Variants in KIF27 observed in about 807,000 individuals in gnomAD.
The protein encoded by KIF27 is kinesin-like protein KIF27.
In KIF27, 84 loss-of-function variants were observed where a neutral mutation model predicts 141.8. That is an observed-to-expected ratio of 0.59 (90% confidence interval 0.50 to 0.71). KIF27 has a LOEUF of 0.71. Ranked by LOEUF, KIF27 falls within the 30% of genes least tolerant of loss-of-function variation. The pLI is 0.00. For synonymous variants in KIF27, 471 were observed against 569.5 expected (o/e 0.83, Z 2.46); for missense variants, 1,306 against 1,628.4 (o/e 0.80, Z 3.41).
At chr9:83,880,021 GTTTT>G in intron 11 of KIF27, 1 of 518,652 alleles carries the variant, frequency 1.9e-6, no homozygotes, top group Middle Eastern at 5.0e-4. Context: ...ATAAATGTAT[GTTTT>G]TGACAGCTTC....
rs1447777511 is a variant in KIF27, at chr9:83,868,565, CG to C, written c.2758-706del. ...AGTACTCTCTTGAATTAAGGATATG[CG>C]GAAACAAATACAAACATAAATATAG... On this transcript the variant is annotated intron_variant, in intron 12 of 17. Coordinates refer to ENST00000297814, the MANE Select transcript of KIF27 (RefSeq NM_017576.4). 9 of 152,026 alleles carry C rather than the reference CG, an allele frequency of 5.9e-5. No homozygotes were observed. In the South Asian group the frequency reaches 1.5e-3, roughly 25 times the overall value. The allele number at this position is 152,026 out of a possible 1,614,324, so 9.4% of individuals were successfully genotyped here. A position where few individuals can be genotyped will look rare whatever the true frequency, so the allele number is the denominator to read the frequency against.
chr9:83,854,625 T>A (rs549262739), intron 14 of KIF27, among the ~76,000 whole-genome samples: 16 of 152,234 alleles, frequency 1.1e-4, no homozygotes, highest in African/African-American at 3.9e-4. Flanking sequence ...AACTCAAAAG[T>A]CTTGGGCCCA....
intron 2 of KIF27, among the ~76,000 whole-genome samples, chr9:83,911,595 G>A (rs1348009837): frequency 6.6e-6 from 1 of 152,112 alleles, no homozygotes; most frequent in African/African-American, 2.4e-5. Flanking sequence ...CCACACTGGA[G>A]TGCAGTGGCA....
rs1259625454 is a variant in KIF27, at chr9:83,921,378, G to A, written c.-95C>T. 1 of 152,054 alleles carries A rather than the reference G, an allele frequency of 6.6e-6. No individual in the cohort carries two copies. Among genetic ancestry groups the A allele is most frequent in the Non-Finnish European group, 1.5e-5 (1 of 68,062 alleles). The allele number at this position is 152,054 out of a possible 1,614,324, so 9.4% of individuals were successfully genotyped here. ...GGCCCGCCGAGCACTGACCGGCTCG[G>A]GACAGCCCAGGCCCCTGTCGGCGAG... On this transcript the variant is annotated 5_prime_UTR_variant, in exon 1 of 18. Coordinates refer to ENST00000297814, the MANE Select transcript of KIF27 (RefSeq NM_017576.4).
chr9:83,875,719 G>A (rs567030683), intron 11 of KIF27, among the ~76,000 whole-genome samples: 1 of 152,266 alleles, frequency 6.6e-6, no homozygotes, highest in East Asian at 1.9e-4. Context: ...ACTTCAAGAC[G>A]GAGGGAGTGC....
intron 14 of KIF27, chr9:83,858,197 T>G (rs562458211): frequency 3.0e-4 from 45 of 152,278 alleles, no homozygotes; most frequent in African/African-American, 1.0e-3. Flanking sequence ...TCTATAATGT[T>G]CCTTTCAACT....
intron 17 of KIF27, among the ~76,000 whole-genome samples, chr9:83,840,468 G>GC (rs1946432195): frequency 1.3e-5 from 2 of 152,030 alleles, no homozygotes; most frequent in Admixed American, 6.6e-5. Flanking sequence ...TGGTTAAAGA[G>GC]CAGGATGAAG....
At chr9:83,870,386 T>A in intron 12 of KIF27, 133 bp downstream of exon 12, 2 of 1,293,470 alleles carry the variant, frequency 1.5e-6, no homozygotes, top group South Asian at 1.5e-5. Flanking sequence ...AGGCTGGTCT[T>A]GAACTCCTGA....
At chr9:83,857,830 T>C (rs1252223617) in intron 14 of KIF27, among the ~76,000 whole-genome samples, 2 of 152,196 alleles carry the variant, frequency 1.3e-5, no homozygotes, top group African/African-American at 4.8e-5. Flanking sequence ...TTTGAATAAA[T>C]AATGTAAGAG....
intron 13 of KIF27, among the ~76,000 whole-genome samples, chr9:83,860,417 G>C (rs1442108730): frequency 6.6e-6 from 1 of 152,092 alleles, no homozygotes; most frequent in East Asian, 1.9e-4. Context: ...TAAGGATTTA[G>C]CACTCTTGTA....
At chr9:83,899,982 C>T (rs1953697747) in intron 4 of KIF27, among the ~76,000 whole-genome samples, 178 bp from the exon 5 acceptor site, 1 of 152,142 alleles carries the variant, frequency 6.6e-6, no homozygotes, top group Non-Finnish European at 1.5e-5. Context: ...GAGAACCTAC[C>T]ATTGCTATAA....
chr9:83,917,666 G>C (rs1338109678), intron 1 of KIF27, among the ~76,000 whole-genome samples: 1 of 152,192 alleles, frequency 6.6e-6, no homozygotes, highest in East Asian at 1.9e-4. Context: ...TCATGGGCAA[G>C]TGATTTTCAA....
chr9:83,902,102 C>T (rs931143430), intron 4 of KIF27, among the ~76,000 whole-genome samples: 10 of 152,050 alleles, frequency 6.6e-5, no homozygotes, highest in South Asian at 4.1e-4. Context: ...AGAACTTGAG[C>T]ACTGCTGTAA....
intron 6 of KIF27, among the ~76,000 whole-genome samples, chr9:83,889,688 A>C (rs1477336176): frequency 3.3e-5 from 5 of 151,722 alleles, no homozygotes; most frequent in Admixed American, 6.6e-5. Flanking sequence ...CTACCACAGG[A>C]AGAAACCCAG....
intron 11 of KIF27, among the ~76,000 whole-genome samples, chr9:83,875,336 T>C (rs1243385991): frequency 6.6e-6 from 1 of 152,180 alleles, no homozygotes; most frequent in African/African-American, 2.4e-5. Context: ...CCAACTGATA[T>C]ATCATGTAAG....
chr9:83,903,331 G>C lies in KIF27; in HGVS notation c.1187C>G (p.Ser396Cys). ...AAGCTGAGCTACTTGCTCCTCAAGA[G>C]AATGAATCCTATTTGTATCAGGACT... is the stretch of plus-strand genomic sequence containing the variant. The part of the protein sequence containing the change: ...EGSPDTNRIH[S>C]LEEQVAQLQG... Residue 396 changes from serine (S) to cysteine (C), a missense_variant, in exon 4 of 18, where the codon TCT (serine) becomes TGT (cysteine). This residue lies in a region of KIF27 where 533 missense variants were observed against 565.6 expected (regional missense o/e 0.94). Coordinates refer to ENST00000297814, the MANE Select transcript of KIF27 (RefSeq NM_017576.4). The C allele has an allele frequency of 1.2e-6, 2 of 1,614,202 alleles. No individual in the cohort carries two copies. Among genetic ancestry groups the C allele is most frequent in the Non-Finnish European group, 1.7e-6 (2 of 1,180,026 alleles).
At chr9:83,906,744 C>CAAA (rs565683124) in intron 3 of KIF27, among the ~76,000 whole-genome samples, 26 of 49,936 alleles carry the variant, frequency 5.2e-4, no homozygotes, top group Admixed American at 8.7e-4. Flanking sequence ...ACCCTGTCTC[C>CAAA]AAAAAAAAAA....
At chr9:83,885,452 T>A (rs187742629) in intron 9 of KIF27, among the ~76,000 whole-genome samples, 65 of 152,344 alleles carry the variant, frequency 4.3e-4, no homozygotes, top group African/African-American at 1.5e-3. Flanking sequence ...CATTTTTTTA[T>A]AAAAGTTATT....
In KIF27 at chr9:83,859,199, T is replaced by C. The variant is rs1178877821; in HGVS notation, c.3107A>G (p.Asn1036Ser). The C allele has an allele frequency of 5.6e-6, 9 of 1,612,474 alleles. No homozygotes were observed. Among genetic ancestry groups the C allele is most frequent in the East Asian group, 2.2e-5 (1 of 44,872 alleles). The change falls in exon 14 of 18, where the codon AAT becomes AGT. Residue 1036 changes from asparagine (N) to serine (S), a missense_variant. This residue lies in a region of KIF27 where 596 missense variants were observed against 751.6 expected (regional missense o/e 0.79). Coordinates refer to ENST00000297814, the MANE Select transcript of KIF27 (RefSeq NM_017576.4). The part of the protein sequence containing the change: ...EKDQLQKRRH[N>S]VDEKLKNGRV... ...ACCATTTTTAAGTTTTTCATCCACA[T>C]TGTGTCTGCGTTTCTGGAGCTGATC...
Sources: gnomAD v4.1 joint callset for allele counts (sites outside exome capture counted in the v4.1 genomes callset) on GRCh38, gnomAD v4.1.1 for gene constraint, gnomAD v4.1.1 regional missense constraint, MANE v1.5 for transcripts, NCBI Gene and HGNC (gene_info 2026-07-23, HGNC 2026-07-21) for gene names.